Variants in DPP6 observed in about 807,000 individuals in gnomAD.
DPP6 encodes the protein dipeptidyl peptidase like 6, also known as A-type potassium channel modulatory protein DPP6.
A neutral mutation model predicts 122.6 loss-of-function variants in DPP6; 69 were observed. That is an observed-to-expected ratio of 0.56 (90% CI 0.46 to 0.69). DPP6 has a LOEUF of 0.69. Ranked by LOEUF, DPP6 falls within the 30% of genes least tolerant of loss-of-function variation. The probability of loss-of-function intolerance (pLI) is 0.00; values close to 1 mark genes in which losing one functional copy is unlikely to be tolerated. For missense variants in DPP6, 928 were observed against 1,116.9 expected, an observed-to-expected ratio of 0.83 and a Z score of 2.41; for synonymous variants, 418 against 433.1, an observed-to-expected ratio of 0.97 and a Z score of 0.43.
chr7:154,316,750 G>A (rs547064435), intron 1 of DPP6, among the ~76,000 whole-genome samples: 2 of 152,244 alleles, frequency 1.3e-5, no homozygotes, highest in South Asian at 4.2e-4. Flanking sequence ...AGATGTGGGG[G>A]ACAGGGTGAA....
At chr7:154,567,665 A>G (rs1268362184) in intron 5 of DPP6, among the ~76,000 whole-genome samples, 2 of 152,372 alleles carry the variant, frequency 1.3e-5, no homozygotes, top group East Asian at 3.9e-4. Flanking sequence ...AATAAGATAT[A>G]GAGTCTACTA....
chr7:153,888,306 CTG>C (rs1213368926), intron 1 of DPP6, among the ~76,000 whole-genome samples: 1 of 152,240 alleles, frequency 6.6e-6, no homozygotes, highest in African/African-American at 2.4e-5. Context: ...AAAAGCTTGA[CTG>C]TGCCGGAGGA....
chr7:154,483,473 T>C lies in DPP6; in HGVS notation c.457+8436T>C. ...CAAACCAGAAGTGGTTCTGGGGTTC[T>C]ACCAAGGGAACAAGGGAGAAGGCTT... On this transcript the variant is annotated intron_variant, in intron 3 of 25. Coordinates refer to ENST00000377770, the MANE Select transcript of DPP6 (RefSeq NM_130797.4). The surrounding 1 kb of genome is among the most constrained non-coding windows in gnomAD (Gnocchi z 8.1). Among the ~76,000 whole-genome samples the C allele has an allele frequency of 6.6e-6, 1 of 152,156 alleles. No individual in the cohort carries two copies. Among genetic ancestry groups the C allele is most frequent in the Middle Eastern group, 3.2e-3 (1 of 316 alleles).
intron 4 of DPP6, among the ~76,000 whole-genome samples, chr7:154,554,438 C>G (rs1055466552): frequency 6.6e-6 from 1 of 152,050 alleles, no homozygotes; most frequent in Admixed American, 6.6e-5. Context: ...ATTCATTTCC[C>G]TTCCATTACT....
In DPP6 at chr7:154,360,812, C is replaced by A. The variant is rs113929386; in HGVS notation, c.244-85402C>A. ...AAGCAGCATAAATATTGCCCTCGCC[C>A]ACCAGAATTCATCACTGATGGCCTG... On this transcript the variant is annotated intron_variant, in intron 1 of 25. Transcript: ENST00000377770. Among the ~76,000 whole-genome samples, 169 of 152,336 alleles carry A rather than the reference C, an allele frequency of 1.1e-3. 3 individuals carry two copies. Among genetic ancestry groups the A allele is most frequent in the African/African-American group, 3.8e-3 (159 of 41,582 alleles).
At chr7:154,807,150 G>A in intron 16 of DPP6, 38 bp downstream of exon 16, 1 of 1,604,046 alleles carries the variant, frequency 6.2e-7, no homozygotes, top group Non-Finnish European at 8.5e-7. Context: ...AAGAGCCCTG[G>A]CAGGCACATT....
At chr7:154,544,748 G>GT (rs1424194915) in intron 4 of DPP6, among the ~76,000 whole-genome samples, 1 of 152,168 alleles carries the variant, frequency 6.6e-6, no homozygotes, top group African/African-American at 2.4e-5. Flanking sequence ...AATTACAGTT[G>GT]TAACAGCTGG....
intron 1 of DPP6, among the ~76,000 whole-genome samples, chr7:154,105,794 G>T (rs1253833607): frequency 6.6e-6 from 1 of 151,960 alleles, no homozygotes; most frequent in Non-Finnish European, 1.5e-5. Flanking sequence ...TGATTGTGAG[G>T]CCTCCCCAGC....
Position 154,200,621 on chromosome 7 carries a change from G to A in DPP6, c.243+147558G>A, listed in dbSNP as rs1799123273. ...AATGTCAAAACAGCTGTGACCTCAT[G>A]ATTTCTGTCTCGTGAGGACTCTGAA... On this transcript the variant is annotated intron_variant, in intron 1 of 25. Transcript: ENST00000377770. 2.6e-5 allele frequency among the ~76,000 whole-genome samples: 4 copies of A among 152,194 alleles called. No homozygotes were observed. The South Asian group carries it at 8.3e-4, about 32-fold the overall frequency.
At chr7:154,058,724 T>TA (rs1478663153) in intron 1 of DPP6, 1 of 148,048 alleles carries the variant, frequency 6.8e-6, no homozygotes, top group Non-Finnish European at 1.5e-5. Context: ...GCAGGTACCT[T>TA]ACGTGGGATT....
chr7:154,295,008 A>G (rs1805446394), intron 1 of DPP6, among the ~76,000 whole-genome samples: 1 of 152,200 alleles, frequency 6.6e-6, no homozygotes, highest in African/African-American at 2.4e-5. Context: ...GTGCCGTGCC[A>G]TCGAGGGCCA....
At chr7:153,816,777 A>C in the DPP6 span, among the ~76,000 whole-genome samples, 1 of 151,820 alleles carries the variant, frequency 6.6e-6, no homozygotes, top group Non-Finnish European at 1.5e-5. Flanking sequence ...CACTCCCCTA[A>C]CACCCCTCTG....
the DPP6 span, among the ~76,000 whole-genome samples, chr7:153,786,631 C>A: frequency 6.8e-6 from 1 of 147,214 alleles, no homozygotes; most frequent in East Asian, 2.1e-4. Flanking sequence ...CCCAGCTACT[C>A]GGGAGGCTGA....
chr7:154,683,554 C>G (rs11243311), intron 7 of DPP6, among the ~76,000 whole-genome samples: 18,491 of 152,188 alleles, frequency 0.12, 1,488 homozygotes, highest in Non-Finnish European at 0.18. Context: ...TTTTTCTACC[C>G]CAAAACTACC....
At chr7:154,343,904 C>T (rs992893944) in intron 1 of DPP6, among the ~76,000 whole-genome samples, 2 of 150,518 alleles carry the variant, frequency 1.3e-5, no homozygotes, top group African/African-American at 2.4e-5. Context: ...TTAGTAGAGA[C>T]GGGGTTTCAC....
intron 1 of DPP6, among the ~76,000 whole-genome samples, chr7:154,314,807 C>T (rs1003520052): frequency 6.6e-6 from 1 of 152,044 alleles, no homozygotes; most frequent in Admixed American, 6.6e-5. Flanking sequence ...TATAATATGC[C>T]AAGAAGATTA....
intron 1 of DPP6, among the ~76,000 whole-genome samples, chr7:154,208,769 TAA>T (rs879580101): frequency 7.0e-6 from 1 of 142,704 alleles, no homozygotes. Flanking sequence ...GGAATTGAAG[TAA>T]AAAAAAAAAA....
At chr7:154,538,369 C>T (rs963033119) in intron 3 of DPP6, among the ~76,000 whole-genome samples, 1 of 152,138 alleles carries the variant, frequency 6.6e-6, no homozygotes, top group African/African-American at 2.4e-5. Flanking sequence ...CATGCATTAG[C>T]TATTTATCCT....
chr7:154,080,578 A>G (rs1264886250), intron 1 of DPP6, among the ~76,000 whole-genome samples: 5 of 152,088 alleles, frequency 3.3e-5, no homozygotes, highest in African/African-American at 1.2e-4. Flanking sequence ...GCTTTTCCCT[A>G]TGGTAGATAA....
Sources: allele counts gnomAD v4.1 joint callset (sites outside exome capture counted in the v4.1 genomes callset), GRCh38; gene constraint gnomAD v4.1.1; non-coding constraint Gnocchi (gnomAD v3.1); transcripts MANE v1.5; gene names NCBI Gene and HGNC (gene_info 2026-07-23, HGNC 2026-07-21).